ABTB3: variants seen among roughly 807,000 people sequenced by gnomAD.
The protein encoded by ABTB3 is ankyrin repeat- and BTB/POZ domain-containing protein 3.
At chr12:107,521,110 A>G in the ABTB3 span, among the ~76,000 whole-genome samples, 1 of 152,206 alleles carries the variant, frequency 6.6e-6, no homozygotes, top group Non-Finnish European at 1.5e-5. Flanking sequence ...AGGGGGCTAA[A>G]GGAGGACAAT....
At chr12:107,517,944 A>G in the ABTB3 span, among the ~76,000 whole-genome samples, 1 of 152,262 alleles carries the variant, frequency 6.6e-6, no homozygotes, top group Non-Finnish European at 1.5e-5. Context: ...TCCATCAACA[A>G]GTGGGCAAAG....
At chr12:107,554,044 G>A in the ABTB3 span, among the ~76,000 whole-genome samples, 1 of 152,154 alleles carries the variant, frequency 6.6e-6, no homozygotes, top group Non-Finnish European at 1.5e-5. Context: ...CATAAGGGAT[G>A]GTAACGGAGA....
At chr12:107,426,359 T>C in the ABTB3 span, among the ~76,000 whole-genome samples, 2 of 152,124 alleles carry the variant, frequency 1.3e-5, no homozygotes, top group South Asian at 2.1e-4. Context: ...GCCCAGCCCA[T>C]TGGGCTGCCC....
At chr12:107,508,705 C>A in the ABTB3 span, among the ~76,000 whole-genome samples, 4 of 152,140 alleles carry the variant, frequency 2.6e-5, no homozygotes, top group South Asian at 8.3e-4. Flanking sequence ...GACTCGGCCT[C>A]CCAAAGTGCT....
the ABTB3 span, chr12:107,642,184 T>C: frequency 6.2e-7 from 1 of 1,612,644 alleles, no homozygotes; most frequent in Admixed American, 1.7e-5. Flanking sequence ...GAGCCCCTGG[T>C]GTGGCCTGGC....
At chr12:107,339,185 A>C in the ABTB3 span, among the ~76,000 whole-genome samples, 1 of 152,088 alleles carries the variant, frequency 6.6e-6, no homozygotes, top group African/African-American at 2.4e-5. Flanking sequence ...GGCTCCTTGC[A>C]CCTTTCCCAT....
the ABTB3 span, among the ~76,000 whole-genome samples, chr12:107,607,621 C>T: frequency 6.6e-6 from 1 of 152,166 alleles, no homozygotes; most frequent in South Asian, 2.1e-4. Flanking sequence ...GACAGGTGTG[C>T]AGATCAGACC....
At chr12:107,515,026 C>T in the ABTB3 span, among the ~76,000 whole-genome samples, 1 of 152,124 alleles carries the variant, frequency 6.6e-6, no homozygotes, top group Non-Finnish European at 1.5e-5. Flanking sequence ...GCTCTCATAC[C>T]TCACTCCCAT....
At chr12:107,354,236 T>G in the ABTB3 span, among the ~76,000 whole-genome samples, 1 of 152,198 alleles carries the variant, frequency 6.6e-6, no homozygotes, top group Non-Finnish European at 1.5e-5. Flanking sequence ...TCTTGAGATA[T>G]AATTCACATA....
At chr12:107,457,390 G>A in the ABTB3 span, among the ~76,000 whole-genome samples, 91 of 152,332 alleles carry the variant, frequency 6.0e-4, no homozygotes, top group East Asian at 1.7e-3. Context: ...CTGGCTTGCC[G>A]AAAGATAGAC....
At chr12:107,355,879 G>T in the ABTB3 span, among the ~76,000 whole-genome samples, 1 of 152,128 alleles carries the variant, frequency 6.6e-6, no homozygotes, top group Non-Finnish European at 1.5e-5. Flanking sequence ...CTACCAGTGT[G>T]CCCTAAACCT....
the ABTB3 span, among the ~76,000 whole-genome samples, chr12:107,480,280 C>CA: frequency 0.027 from 3,913 of 143,570 alleles, 64 homozygotes; most frequent in East Asian, 0.051. Flanking sequence ...TTGCATGACC[C>CA]AAAAAAAAAA....
chr12:107,347,352 T>C, the ABTB3 span, among the ~76,000 whole-genome samples: 2 of 152,108 alleles, frequency 1.3e-5, no homozygotes, highest in African/African-American at 4.8e-5. Context: ...CCTTTGAGAA[T>C]CTTTCAGTTA....
chr12:107,596,394 C>A, the ABTB3 span, among the ~76,000 whole-genome samples: 1 of 152,176 alleles, frequency 6.6e-6, no homozygotes. Context: ...GGGTGGATCA[C>A]TTGAGGTCAG....
chr12:107,409,597 C>T, the ABTB3 span, among the ~76,000 whole-genome samples: 4 of 152,226 alleles, frequency 2.6e-5, no homozygotes, highest in Admixed American at 2.6e-4. Flanking sequence ...CAAACTAACA[C>T]AGGAACAGAA....
At chr12:107,384,253 T>C in the ABTB3 span, among the ~76,000 whole-genome samples, 50 of 152,310 alleles carry the variant, frequency 3.3e-4, no homozygotes, top group African/African-American at 1.1e-3. Flanking sequence ...AGAAAAGACC[T>C]GCTTAGGGCC....
At chr12:107,428,756 T>C in the ABTB3 span, among the ~76,000 whole-genome samples, 1 of 152,258 alleles carries the variant, frequency 6.6e-6, no homozygotes, top group South Asian at 2.1e-4. Flanking sequence ...CCACACACTG[T>C]GAAGAGGCAA....
the ABTB3 span, among the ~76,000 whole-genome samples, chr12:107,644,733 CT>C: frequency 6.6e-6 from 1 of 152,142 alleles, no homozygotes; most frequent in Admixed American, 6.5e-5. Context: ...TCCTCCCACC[CT>C]TTACCCTCAA....
chr12:107,398,968 TA>T, the ABTB3 span, among the ~76,000 whole-genome samples: 1 of 152,136 alleles, frequency 6.6e-6, no homozygotes, highest in Non-Finnish European at 1.5e-5. Flanking sequence ...GGGGTCGGGA[TA>T]GGGGGAGTTG....
Sources: gnomAD v4.1 joint callset for allele counts (sites outside exome capture counted in the v4.1 genomes callset) on GRCh38, gnomAD v4.1.1 for gene constraint, MANE v1.5 for transcripts, NCBI Gene and HGNC (gene_info 2026-07-23, HGNC 2026-07-21) for gene names.